XYLB: variants seen among roughly 807,000 people sequenced by gnomAD.
XYLB encodes the protein xylulose kinase.
A neutral mutation model predicts 78.7 loss-of-function variants in XYLB; 62 were observed. The observed-to-expected ratio is 0.79, with a 90% CI of 0.64 to 0.97. The LOEUF (loss-of-function observed/expected upper bound fraction) is 0.97. XYLB is among the 50% of genes least tolerant of loss of function. The pLI is 0.00. For missense variants in XYLB, 687 were observed against 676.8 expected (o/e 1.02, Z -0.17); for synonymous variants, 245 against 247.4 (o/e 0.99, Z 0.09).
intron 17 of XYLB, among the ~76,000 whole-genome samples, chr3:38,399,638 G>T (rs928906783): frequency 1.3e-5 from 2 of 152,162 alleles, no homozygotes; most frequent in African/African-American, 4.8e-5. Flanking sequence ...TATGGGGTCT[G>T]CTTCATAATT....
chr3:38,379,552 G>A (rs764346446), intron 15 of XYLB, among the ~76,000 whole-genome samples: 5 of 152,188 alleles, frequency 3.3e-5, no homozygotes, highest in East Asian at 3.8e-4. Flanking sequence ...GGTTGTTCCC[G>A]CTTCTCAGCT....
Position 38,414,142 on chromosome 3 carries a change from C to A in XYLB, c.*1129C>A, listed in dbSNP as rs934345584. On this transcript the variant is annotated 3_prime_UTR_variant, in exon 19 of 19. Coordinates refer to ENST00000207870, the MANE Select transcript of XYLB (RefSeq NM_005108.4). Reference sequence around the variant, plus strand: ...AAGGCCTTTACTGAGCTCAGGACTCCAGCTAAATCAAAATACGCATGTTCT... The same window carrying A: ...AAGGCCTTTACTGAGCTCAGGACTCAAGCTAAATCAAAATACGCATGTTCT... The A allele has an allele frequency of 6.6e-6, 1 of 152,174 alleles. No individual in the cohort carries two copies. The allele number at this position is 152,174 out of a possible 1,614,324, so 9.4% of individuals were successfully genotyped here. A position where few individuals can be genotyped will look rare whatever the true frequency, so the allele number is the denominator to read the frequency against.
chr3:38,416,953 T>C (rs1368552502), downstream of XYLB, among the ~76,000 whole-genome samples: 1 of 152,156 alleles, frequency 6.6e-6, no homozygotes, highest in African/African-American at 2.4e-5. Context: ...AACATTTGCA[T>C]AACAAATTAT....
chr3:38,421,530 G>A (rs1056402182), downstream of XYLB, among the ~76,000 whole-genome samples: 3 of 152,176 alleles, frequency 2.0e-5, no homozygotes, highest in Admixed American at 6.5e-5. Context: ...AAATATTGCC[G>A]CTGGTTTCCG....
chr3:38,384,258 G>T (rs1411036969), intron 15 of XYLB, among the ~76,000 whole-genome samples: 1 of 152,090 alleles, frequency 6.6e-6, no homozygotes, highest in Non-Finnish European at 1.5e-5. Context: ...TAGAGACGGG[G>T]TTTCACCGTG....
chr3:38,362,618 C>T (rs986791506), intron 3 of XYLB, among the ~76,000 whole-genome samples: 1 of 152,004 alleles, frequency 6.6e-6, no homozygotes, highest in Non-Finnish European at 1.5e-5. Context: ...GCTGAGATTG[C>T]GCCACTCCAT....
chr3:38,390,337 C>T (rs1048023533), intron 15 of XYLB, among the ~76,000 whole-genome samples: 1 of 152,152 alleles, frequency 6.6e-6, no homozygotes, highest in Admixed American at 6.5e-5. Flanking sequence ...CCTCAGCCTC[C>T]TGAGTAGCTG....
intron 17 of XYLB, among the ~76,000 whole-genome samples, chr3:38,400,589 C>G (rs1417046035): frequency 6.6e-6 from 1 of 152,118 alleles, no homozygotes; most frequent in Non-Finnish European, 1.5e-5. Context: ...GTTACCCGAC[C>G]TATTCCATGA....
chr3:38,393,459 C>G lies in XYLB; in HGVS notation c.1292-2046C>G, dbSNP rs1707751347. Among the ~76,000 whole-genome samples the G allele has an allele frequency of 1.3e-5, 2 of 152,190 alleles. 1 individual carries two copies. Among genetic ancestry groups the G allele is most frequent in the African/African-American group, 4.8e-5 (2 of 41,444 alleles). On this transcript the variant is annotated intron_variant, in intron 15 of 18. Transcript: ENST00000207870. ...TGGCACCTGACCTGCACTCCTGTTT[C>G]TACTTCATGGGTTTATTGGTCTTGT...
chr3:38,432,148 A>G, the XYLB span, among the ~76,000 whole-genome samples: 1 of 152,158 alleles, frequency 6.6e-6, no homozygotes, highest in Non-Finnish European at 1.5e-5. Flanking sequence ...TCAAAACACA[A>G]TCATTCTCTT....
chr3:38,374,625 G>A lies in XYLB; in HGVS notation c.888+123G>A, dbSNP rs550183707. Reference sequence around the variant, plus strand: ...GGTCCCAGGGTCTGGGTCCCAGCAGGATCTCTGCTACTTATCAGAGTGTCT... The same window carrying A: ...GGTCCCAGGGTCTGGGTCCCAGCAGAATCTCTGCTACTTATCAGAGTGTCT... On this transcript the variant is annotated intron_variant, in intron 11 of 18. Transcript: ENST00000207870. 5 of 1,204,324 alleles carry A rather than the reference G, an allele frequency of 4.2e-6. No individual in the cohort carries two copies. In the African/African-American group the frequency reaches 4.6e-5, roughly 11 times the overall value. The allele number at this position is 1,204,324 out of a possible 1,614,324, so 74.6% of individuals were successfully genotyped here. A position where few individuals can be genotyped will look rare whatever the true frequency, so the allele number is the denominator to read the frequency against.
chr3:38,353,161 ATGTTTTT>A (rs199973308), intron 2 of XYLB, among the ~76,000 whole-genome samples: 4,848 of 152,224 alleles, frequency 0.032, 112 homozygotes, highest in African/African-American at 0.062. Context: ...GAACTCACCT[ATGTTTTT>A]ATCTAGTTCT....
At chr3:38,419,598 AT>A (rs1559628779), downstream of XYLB, among the ~76,000 whole-genome samples, 30 of 123,292 alleles carry the variant, frequency 2.4e-4, 6 homozygotes, top group South Asian at 3.5e-3. Flanking sequence ...ATATATATAT[AT>A]ATATAATAGC....
intron 15 of XYLB, among the ~76,000 whole-genome samples, chr3:38,390,929 T>C (rs1707624373): frequency 6.6e-6 from 1 of 152,076 alleles, no homozygotes; most frequent in African/African-American, 2.4e-5. Flanking sequence ...GGTTAAGAAA[T>C]AGAACATCAG....
chr3:38,349,842 G>C (rs779089993), intron 2 of XYLB, among the ~76,000 whole-genome samples: 4 of 152,248 alleles, frequency 2.6e-5, no homozygotes, highest in East Asian at 1.9e-4. Flanking sequence ...GTGGTCACTC[G>C]GTGCAGGAGT....
At chr3:38,432,694 G>T in the XYLB span, among the ~76,000 whole-genome samples, 5 of 152,250 alleles carry the variant, frequency 3.3e-5, no homozygotes, top group East Asian at 7.7e-4. Context: ...CAACAAGGCA[G>T]CAATTAAATC....
chr3:38,379,437 T>C, intron 15 of XYLB, 95 bp downstream of exon 15: 1 of 1,256,714 alleles, frequency 8.0e-7, no homozygotes, highest in Non-Finnish European at 1.1e-6. Context: ...TCTACTAAAG[T>C]TTTCTTACAG....
At chr3:38,389,057 A>G (rs1411575729) in intron 15 of XYLB, among the ~76,000 whole-genome samples, 3 of 148,762 alleles carry the variant, frequency 2.0e-5, no homozygotes, top group African/African-American at 7.5e-5. Context: ...AAGTGAACAA[A>G]GGTCTCTGGT....
At chr3:38,356,042 G>A in intron 2 of XYLB, 3 of 416,356 alleles carry the variant, frequency 7.2e-6, no homozygotes, top group East Asian at 3.9e-5. Context: ...ACGAGGTCAG[G>A]AGATCGAGAC....
Sources: allele counts gnomAD v4.1 joint callset (sites outside exome capture counted in the v4.1 genomes callset), GRCh38; gene constraint gnomAD v4.1.1; transcripts MANE v1.5; gene names NCBI Gene and HGNC (gene_info 2026-07-23, HGNC 2026-07-21).